RBM20: variants seen among roughly 807,000 people sequenced by gnomAD.
RBM20 encodes the protein RNA-binding protein 20.
A neutral mutation model predicts 110.1 loss-of-function variants in RBM20; 51 were observed. The observed-to-expected ratio is 0.46, with a 90% CI of 0.37 to 0.59. The LOEUF (loss-of-function observed/expected upper bound fraction) is 0.59. Ranked by LOEUF, RBM20 falls within the 20% of genes least tolerant of loss-of-function variation. The pLI is 0.00. For synonymous variants in RBM20, 589 were observed against 618.2 expected, an observed-to-expected ratio of 0.95 and a Z score of 0.70; for missense variants, 1,512 against 1,574.9, an observed-to-expected ratio of 0.96 and a Z score of 0.68.
chr10:110,712,537 C>T (rs565647729), intron 1 of RBM20, among the ~76,000 whole-genome samples: 13 of 152,250 alleles, frequency 8.5e-5, no homozygotes, highest in African/African-American at 2.4e-4. Context: ...GAGGCCAAGG[C>T]GGGTGGATCA....
chr10:110,810,021 C>T (rs1467246320), intron 7 of RBM20, among the ~76,000 whole-genome samples: 1 of 152,198 alleles, frequency 6.6e-6, no homozygotes, highest in African/African-American at 2.4e-5. Context: ...TGCATGCCTG[C>T]CTGCCTTCCT....
At chr10:110,810,340 A>G (rs1367852797) in intron 7 of RBM20, 43 bp from the exon 8 acceptor site, 1 of 1,457,066 alleles carries the variant, frequency 6.9e-7, no homozygotes, top group Admixed American at 2.0e-5. Context: ...AGGTGTTTGC[A>G]AGGCCATCTC....
chr10:110,837,219 T>C lies in RBM20; in HGVS notation c.*1241T>C, dbSNP rs142692035. The C allele has an allele frequency of 3.3e-5, 5 of 152,330 alleles. No homozygotes were observed. In the East Asian group the frequency reaches 7.7e-4, roughly 24 times the overall value. The allele number at this position is 152,330 out of a possible 1,614,324, so 9.4% of individuals were successfully genotyped here. A position where few individuals can be genotyped will look rare whatever the true frequency, so the allele number is the denominator to read the frequency against. On this transcript the variant is annotated 3_prime_UTR_variant, in exon 14 of 14. Coordinates refer to ENST00000369519, the MANE Select transcript of RBM20 (RefSeq NM_001134363.3). ...GTTTGACTGTATGTGCAGACTTTGA[T>C]ACCAAAATGTTATGAAAAGTCGTGA...
chr10:110,644,639 T>A lies in RBM20; in HGVS notation c.185T>A (p.Ile62Asn). The A allele has an allele frequency of 7.3e-7, 1 of 1,377,372 alleles. No homozygotes were observed. Among genetic ancestry groups the A allele is most frequent in the Non-Finnish European group, 9.6e-7 (1 of 1,037,580 alleles). The allele number at this position is 1,377,372 out of a possible 1,614,324, so 85.3% of individuals were successfully genotyped here. The change falls in exon 1 of 14, where the codon ATC becomes AAC. Residue 62 changes from isoleucine to asparagine, a missense_variant. Transcript: ENST00000369519. The surrounding 1 kb of genome is among the most constrained non-coding windows in gnomAD (Gnocchi z 4.3). ...PPPQAGLPQI[I>N]QNAAKLLDKN... Reference sequence around the variant, plus strand: ...CCCCAAGCCGGCCTACCCCAGATCATCCAAAAGTAAGAAGGGAGAAGGGAA... The same window carrying A: ...CCCCAAGCCGGCCTACCCCAGATCAACCAAAAGTAAGAAGGGAGAAGGGAA...
chr10:110,683,617 T>C (rs527918652), intron 1 of RBM20, among the ~76,000 whole-genome samples: 1 of 152,342 alleles, frequency 6.6e-6, no homozygotes, highest in South Asian at 2.1e-4. Flanking sequence ...GTTTTGTAAC[T>C]TTTACTTGCT....
chr10:110,747,707 T>G (rs1843799314), intron 1 of RBM20, among the ~76,000 whole-genome samples: 1 of 152,194 alleles, frequency 6.6e-6, no homozygotes. Flanking sequence ...GTAGATTAAA[T>G]GACTTTTTAA....
intron 1 of RBM20, among the ~76,000 whole-genome samples, chr10:110,681,886 T>G (rs977923877): frequency 1.3e-5 from 2 of 149,478 alleles, no homozygotes; most frequent in Non-Finnish European, 3.0e-5. Context: ...CTTTTCTGCT[T>G]TTTTTTTTGT....
intron 1 of RBM20, among the ~76,000 whole-genome samples, chr10:110,718,219 A>C (rs1690061029): frequency 6.6e-6 from 1 of 152,366 alleles, no homozygotes; most frequent in East Asian, 1.9e-4. Flanking sequence ...ACATGCACTT[A>C]AAAGAGTTTG....
intron 1 of RBM20, among the ~76,000 whole-genome samples, chr10:110,728,985 C>G (rs867555865): frequency 6.6e-6 from 1 of 152,148 alleles, no homozygotes; most frequent in Admixed American, 6.5e-5. Context: ...GCTCCCCTGC[C>G]CATAGGGTTG....
chr10:110,683,954 C>T (rs892670333), intron 1 of RBM20, among the ~76,000 whole-genome samples: 4 of 152,150 alleles, frequency 2.6e-5, no homozygotes, highest in African/African-American at 9.7e-5. Flanking sequence ...TATCCTGTGA[C>T]TAAGAACAGA....
intron 1 of RBM20, among the ~76,000 whole-genome samples, chr10:110,668,449 T>C (rs1231361059): frequency 6.6e-6 from 1 of 152,158 alleles, no homozygotes; most frequent in African/African-American, 2.4e-5. Flanking sequence ...CTCCCCTAAT[T>C]GGCACATATT....
In RBM20 at chr10:110,812,465, C is replaced by T. The variant is rs1261934044; in HGVS notation, c.2068C>T (p.Pro690Ser). The change falls in exon 9 of 14, where the codon CCG becomes TCG. Residue 690 changes from proline (P) to serine (S), a missense_variant. Coordinates refer to ENST00000369519, the MANE Select transcript of RBM20 (RefSeq NM_001134363.3). ...TGCCAGGAGGGAGGAAGAGCGAGAC[C>T]CGGCTCCCTGGAGGGACAACGGAGA... is the stretch of plus-strand genomic sequence containing the variant. Reference protein sequence around the residue: ...PYARREEERDPAPWRDNGDDK... With the variant: ...PYARREEERDSAPWRDNGDDK... The T allele has an allele frequency of 1.3e-6, 2 of 1,551,660 alleles. No individual in the cohort carries two copies. The highest frequency in any genetic ancestry group is 1.7e-6 in the Non-Finnish European group (2 of 1,146,980).
chr10:110,675,264 A>C (rs1862322696), intron 1 of RBM20, among the ~76,000 whole-genome samples: 1 of 152,174 alleles, frequency 6.6e-6, no homozygotes, highest in Non-Finnish European at 1.5e-5. Context: ...AATAAGTTTA[A>C]TATTGAATTG....
intron 1 of RBM20, among the ~76,000 whole-genome samples, chr10:110,707,240 C>T (rs1274604838): frequency 6.6e-6 from 1 of 152,104 alleles, no homozygotes; most frequent in Admixed American, 6.5e-5. Flanking sequence ...AGAAAAACAT[C>T]TCATGTTGTA....
At chr10:110,831,008 C>T (rs749654629) in intron 12 of RBM20, 53 bp from the exon 13 acceptor site, 61 of 1,499,856 alleles carry the variant, frequency 4.1e-5, no homozygotes, top group Non-Finnish European at 5.3e-5. Context: ...GACACAGGGG[C>T]CTGCCTCCCA....
At chr10:110,684,583 A>G (rs929373536) in intron 1 of RBM20, among the ~76,000 whole-genome samples, 2 of 152,230 alleles carry the variant, frequency 1.3e-5, no homozygotes, top group Non-Finnish European at 2.9e-5. Flanking sequence ...ACTACAGCTT[A>G]ATTTCCACCC....
At chr10:110,659,033 C>T (rs955698314) in intron 1 of RBM20, among the ~76,000 whole-genome samples, 7 of 152,198 alleles carry the variant, frequency 4.6e-5, no homozygotes, top group Admixed American at 3.9e-4. Flanking sequence ...TTGCTATCCT[C>T]ATCACCTAGC....
chr10:110,717,114 G>T (rs893980704), intron 1 of RBM20, among the ~76,000 whole-genome samples: 4 of 151,882 alleles, frequency 2.6e-5, no homozygotes, highest in African/African-American at 9.7e-5. Flanking sequence ...CACTAGTGTG[G>T]CAATCCTCAA....
chr10:110,766,170 C>T (rs754966421), intron 1 of RBM20, among the ~76,000 whole-genome samples: 12 of 152,196 alleles, frequency 7.9e-5, no homozygotes, highest in Non-Finnish European at 1.6e-4. Context: ...AGGCAGTTTT[C>T]AATCTGCTTG....
Sources: gnomAD v4.1 joint callset for allele counts (sites outside exome capture counted in the v4.1 genomes callset) on GRCh38, gnomAD v4.1.1 for gene constraint, Gnocchi (gnomAD v3.1) non-coding constraint, MANE v1.5 for transcripts, NCBI Gene and HGNC (gene_info 2026-07-23, HGNC 2026-07-21) for gene names.